Variants in PCDHGA2 observed in about 807,000 individuals in gnomAD.
PCDHGA2 encodes the protein protocadherin gamma-A2.
A neutral mutation model predicts 59.2 loss-of-function variants in PCDHGA2; 40 were observed. The ratio of observed to expected loss-of-function variants is 0.68; its 90% CI spans 0.52 to 0.88. The LOEUF (loss-of-function observed/expected upper bound fraction) is 0.88, where lower values mean the gene tolerates loss of function less well. PCDHGA2 is among the 40% of genes least tolerant of loss of function. The pLI, the probability that PCDHGA2 is intolerant of heterozygous loss-of-function variation, is 0.00. For synonymous variants in PCDHGA2, 560 were observed against 526.0 expected (o/e 1.06, Z -0.89); for missense variants, 1,226 against 1,204.0 (o/e 1.02, Z -0.27).
chr5:141,426,166 G>A (rs545570121), intron 1 of PCDHGA2: 4 of 155,070 alleles, frequency 2.6e-5, no homozygotes, highest in South Asian at 2.0e-4. Context: ...GATTCCATAC[G>A]GATTGGGGTG....
At chr5:141,365,626 C>T in intron 1 of PCDHGA2, 2 of 1,613,678 alleles carry the variant, frequency 1.2e-6, no homozygotes, top group Non-Finnish European at 8.5e-7. Flanking sequence ...CCCCGCCCCT[C>T]TCTACAGAAA....
chr5:141,354,119 G>A (rs1369959038), intron 1 of PCDHGA2, among the ~76,000 whole-genome samples: 2 of 152,220 alleles, frequency 1.3e-5, no homozygotes, highest in African/African-American at 4.8e-5. Context: ...CTAAAGTAAA[G>A]TTAGAAATTG....
intron 1 of PCDHGA2, chr5:141,415,055 C>T (rs767474996): frequency 6.2e-7 from 1 of 1,613,400 alleles, no homozygotes; most frequent in African/African-American, 1.3e-5. Flanking sequence ...GGGGAGCACA[C>T]GGGCGAGGTG....
At chr5:141,355,604 CAG>C in intron 1 of PCDHGA2, 1 of 1,613,936 alleles carries the variant, frequency 6.2e-7, no homozygotes, top group Non-Finnish European at 8.5e-7. Flanking sequence ...AGTTTTGGGA[CAG>C]AACAGAGGGA....
chr5:141,352,748 A>G, intron 1 of PCDHGA2: 1 of 1,432,690 alleles, frequency 7.0e-7, no homozygotes, highest in South Asian at 1.3e-5. Context: ...CCAGCACTTA[A>G]CCAGGCTGAG....
rs1305419943 is a variant in PCDHGA2, at chr5:141,438,625, T to C, written c.2425-56182T>C. Among the ~76,000 whole-genome samples the C allele has an allele frequency of 9.7e-4, 45 of 46,410 alleles. 2 individuals are homozygous for C. Among genetic ancestry groups the C allele is most frequent in the Admixed American group, 2.2e-3 (7 of 3,192 alleles). The allele number at this position is 46,410 out of a possible 152,430, so 30.4% of individuals were successfully genotyped here. On this transcript the variant is annotated intron_variant, in intron 1 of 3. Coordinates refer to ENST00000394576, the MANE Select transcript of PCDHGA2 (RefSeq NM_018915.4). The stretch of plus-strand genomic sequence containing the variant: ...ATATATATATATATATATATATATA[T>C]ATATATATATACACACACACACACA...
intron 1 of PCDHGA2, chr5:141,383,286 C>T (rs373163257): frequency 4.3e-6 from 7 of 1,613,770 alleles, no homozygotes; most frequent in African/African-American, 1.3e-5. Flanking sequence ...TTAATGACAA[C>T]GTTCCAAGAT....
chr5:141,430,953 G>A (rs2097330054), intron 1 of PCDHGA2: 1 of 1,611,124 alleles, frequency 6.2e-7, no homozygotes, highest in African/African-American at 1.3e-5. Context: ...CGCGGAGTCC[G>A]CATCATCCCC....
intron 1 of PCDHGA2, chr5:141,389,112 C>A (rs376966829): frequency 1.5e-5 from 25 of 1,613,966 alleles, no homozygotes; most frequent in Non-Finnish European, 2.0e-5. Context: ...TGTTCTAGAC[C>A]GCGAGCAGAA....
chr5:141,389,330 C>T, intron 1 of PCDHGA2: 1 of 1,614,000 alleles, frequency 6.2e-7, no homozygotes. Context: ...TGGGGCCCAA[C>T]GGCCAAGTCT....
At chr5:141,344,528 C>G in intron 1 of PCDHGA2, 1 of 1,614,008 alleles carries the variant, frequency 6.2e-7, no homozygotes, top group Non-Finnish European at 8.5e-7. Context: ...TAGGCATTAA[C>G]TCCCTGCAGA....
intron 1 of PCDHGA2, chr5:141,400,276 C>T: frequency 6.2e-7 from 1 of 1,614,048 alleles, no homozygotes; most frequent in Non-Finnish European, 8.5e-7. Flanking sequence ...CTCCTCCAGC[C>T]CTGCCGCCTG....
chr5:141,493,204 C>T lies in PCDHGA2; in HGVS notation c.2425-1603C>T, dbSNP rs2099746929. Among the ~76,000 whole-genome samples, 1 of 152,216 alleles carries T rather than the reference C, an allele frequency of 6.6e-6. No individual in the cohort carries two copies. Among genetic ancestry groups the T allele is most frequent in the Non-Finnish European group, 1.5e-5 (1 of 68,042 alleles). Reference sequence around the variant, plus strand: ...TATATAACTCCTTTGAGAACCTCATCTCATTTGCTCTTCCCACCATTGCTG... The same window carrying T: ...TATATAACTCCTTTGAGAACCTCATTTCATTTGCTCTTCCCACCATTGCTG... On this transcript the variant is annotated intron_variant, in intron 1 of 3. Transcript: ENST00000394576. This position sits in a 1 kb window ranked among gnomAD's most constrained non-coding sequence, Gnocchi z 4.3.
rs755936344 is a variant in PCDHGA2, at chr5:141,490,704, C to T, written c.2425-4103C>T. ...ATCCAGACACTGGGGATAATGCCCG[C>T]CTCACCTACTCCATTGTAGGAAATC... On this transcript the variant is annotated intron_variant, in intron 1 of 3. Transcript: ENST00000394576. The surrounding 1 kb of genome is among the most constrained non-coding windows in gnomAD (Gnocchi z 5.4). 6.2e-7 allele frequency: 1 copy of T among 1,614,166 alleles called. No homozygotes were observed.
chr5:141,485,279 C>T lies in PCDHGA2; in HGVS notation c.2425-9528C>T. 1 of 1,614,108 alleles carries T rather than the reference C, an allele frequency of 6.2e-7. No individual in the cohort carries two copies. Among genetic ancestry groups the T allele is most frequent in the Non-Finnish European group, 8.5e-7 (1 of 1,179,966 alleles). ...TTGTGGGCAGATCCGCTACCCGGTC[C>T]CAGAGGAGTCACAGGAAGGGACTTT... On this transcript the variant is annotated intron_variant, in intron 1 of 3. Transcript: ENST00000394576. The surrounding 1 kb of genome is among the most constrained non-coding windows in gnomAD (Gnocchi z 5.7).
chr5:141,376,015 G>A, intron 1 of PCDHGA2: 7 of 1,613,364 alleles, frequency 4.3e-6, no homozygotes, highest in Non-Finnish European at 5.9e-6. Context: ...GCCTAGTGGT[G>A]GCCGTCCAGG....
chr5:141,429,729 A>G (rs1362403236), intron 1 of PCDHGA2, among the ~76,000 whole-genome samples: 1 of 152,240 alleles, frequency 6.6e-6, no homozygotes, highest in African/African-American at 2.4e-5. Flanking sequence ...GAAAGTACGT[A>G]GCCAGTTATT....
At chr5:141,374,458 C>T (rs1183222146) in intron 1 of PCDHGA2, 1 of 1,613,426 alleles carries the variant, frequency 6.2e-7, no homozygotes. Flanking sequence ...AAATAGTGGA[C>T]ATTAATGACA....
chr5:141,421,912 A>G (rs1207036091), intron 1 of PCDHGA2: 2 of 1,613,696 alleles, frequency 1.2e-6, no homozygotes, highest in Admixed American at 1.7e-5. Context: ...CGCAGTTCCC[A>G]TTCGTGTGGT....
Sources: allele counts gnomAD v4.1 joint callset (sites outside exome capture counted in the v4.1 genomes callset), GRCh38; gene constraint gnomAD v4.1.1; non-coding constraint Gnocchi (gnomAD v3.1); transcripts MANE v1.5; gene names NCBI Gene and HGNC (gene_info 2026-07-23, HGNC 2026-07-21).